The following ABAT variants were observed in gnomAD, a reference collection of about 807,000 sequenced individuals.
ABAT encodes 4-aminobutyrate aminotransferase, also known as 4-aminobutyrate aminotransferase, mitochondrial.
ABAT carries 45 observed loss-of-function variants against 64.6 expected under a neutral mutation model. That is an observed-to-expected ratio of 0.70 (90% CI 0.55 to 0.89). The LOEUF (loss-of-function observed/expected upper bound fraction) is 0.89, where lower values mean the gene tolerates loss of function less well. ABAT is among the 40% of genes least tolerant of loss of function. ABAT has a pLI of 0.00. For missense variants in ABAT, 633 were observed against 658.4 expected (o/e 0.96, Z 0.42); for synonymous variants, 297 against 250.5 (o/e 1.19, Z -1.75).
At chr16:8,715,466 A>AC (rs2058187514) in intron 1 of ABAT, 1 of 151,936 alleles carries the variant, frequency 6.6e-6, no homozygotes, top group African/African-American at 2.4e-5. Context: ...AAAAATAAAT[A>AC]TAAAAATAAA....
intron 12 of ABAT, among the ~76,000 whole-genome samples, chr16:8,774,626 G>C (rs1462390451): frequency 1.3e-5 from 2 of 152,142 alleles, no homozygotes; most frequent in Admixed American, 1.3e-4. Flanking sequence ...TTGGTGCAGG[G>C]AGTATTTAAT....
chr16:8,766,805 C>T (rs894573298), intron 9 of ABAT, among the ~76,000 whole-genome samples: 3 of 152,094 alleles, frequency 2.0e-5, no homozygotes, highest in Admixed American at 6.6e-5. Context: ...CCTGTCTCTA[C>T]TAAAAATACA....
intron 10 of ABAT, 151 bp downstream of exon 10, chr16:8,768,407 G>C (rs1366600278): frequency 4.4e-6 from 4 of 901,206 alleles, no homozygotes; most frequent in Non-Finnish European, 7.1e-6. Context: ...TTCCTGCTTT[G>C]CAGATGGGGG....
intron 13 of ABAT, among the ~76,000 whole-genome samples, chr16:8,775,595 G>A (rs554390994): frequency 7.1e-4 from 108 of 152,012 alleles, no homozygotes; most frequent in African/African-American, 2.5e-3. Flanking sequence ...GCCATCAGGG[G>A]CCAACGTCCT....
chr16:8,684,678 A>G (rs1313622999), intron 1 of ABAT, among the ~76,000 whole-genome samples: 1 of 150,884 alleles, frequency 6.6e-6, no homozygotes, highest in Non-Finnish European at 1.5e-5. Context: ...AGCCATAATC[A>G]TGCCACTGCA....
At chr16:8,761,552 T>C (rs1293619517) in intron 6 of ABAT, among the ~76,000 whole-genome samples, 1 of 152,146 alleles carries the variant, frequency 6.6e-6, no homozygotes, top group Admixed American at 6.5e-5. Flanking sequence ...GAATCCACGT[T>C]CTCCGTCCCA....
rs1165329242 is a variant in ABAT, at chr16:8,737,307, T to C, written c.70+1498T>C. 3 of 148,546 alleles carry C rather than the reference T, an allele frequency of 2.0e-5. No homozygotes were observed. In the East Asian group the frequency reaches 6.1e-4, roughly 30 times the overall value. The allele number at this position is 148,546 out of a possible 1,614,324, so 9.2% of individuals were successfully genotyped here. A position where few individuals can be genotyped will look rare whatever the true frequency, so the allele number is the denominator to read the frequency against. ...GCCTGGCCAACATGGTGAAACCCCG[T>C]CTCTACCAAAAATACAAAAATTAGC... On this transcript the variant is annotated intron_variant, in intron 2 of 15. Transcript: ENST00000268251.
intron 11 of ABAT, among the ~76,000 whole-genome samples, chr16:8,770,848 A>G (rs763186144): frequency 3.9e-5 from 6 of 152,226 alleles, no homozygotes; most frequent in Non-Finnish European, 7.3e-5. Context: ...TGTAATTAGT[A>G]TTTTTAAACA....
At chr16:8,712,983 T>G (rs2058111872) in intron 1 of ABAT, 1 of 128,636 alleles carries the variant, frequency 7.8e-6, no homozygotes, top group Admixed American at 8.3e-5. Context: ...GTGATCACCC[T>G]CATTACCTCT....
At chr16:8,695,844 T>G (rs1396595916) in intron 1 of ABAT, among the ~76,000 whole-genome samples, 1 of 152,194 alleles carries the variant, frequency 6.6e-6, no homozygotes, top group Non-Finnish European at 1.5e-5. Flanking sequence ...CAATGCCAGT[T>G]CTTGGGGCAG....
chr16:8,774,560 C>T (rs1172421791), intron 12 of ABAT, among the ~76,000 whole-genome samples: 1 of 152,102 alleles, frequency 6.6e-6, no homozygotes, highest in Non-Finnish European at 1.5e-5. Flanking sequence ...TTGGACACAG[C>T]TCCCTCTGAC....
chr16:8,680,568 G>T (rs1346587606), intron 1 of ABAT, among the ~76,000 whole-genome samples: 1 of 152,078 alleles, frequency 6.6e-6, no homozygotes, highest in African/African-American at 2.4e-5. Flanking sequence ...GATTACATGT[G>T]TGGGCCACAA....
chr16:8,760,682 G>A (rs1273577516), intron 6 of ABAT, among the ~76,000 whole-genome samples: 6 of 152,102 alleles, frequency 3.9e-5, no homozygotes, highest in African/African-American at 1.4e-4. Flanking sequence ...CTTGGCAGTT[G>A]GTGCTGAAAA....
chr16:8,703,593 T>C (rs2057874520), intron 1 of ABAT, among the ~76,000 whole-genome samples: 1 of 152,162 alleles, frequency 6.6e-6, no homozygotes, highest in Non-Finnish European at 1.5e-5. Context: ...ACACTTTGTG[T>C]GTTGCTGACA....
intron 5 of ABAT, among the ~76,000 whole-genome samples, chr16:8,755,893 C>G (rs937281367): frequency 1.1e-4 from 16 of 152,064 alleles, no homozygotes; most frequent in African/African-American, 3.6e-4. Flanking sequence ...ACTAAAAATA[C>G]AAAAAATTAG....
At chr16:8,684,736 A>G (rs1258019090) in intron 1 of ABAT, among the ~76,000 whole-genome samples, 1 of 151,994 alleles carries the variant, frequency 6.6e-6, no homozygotes, top group African/African-American at 2.4e-5. Context: ...AAAAAAAAAA[A>G]AAAGGTGGAG....
chr16:8,719,209 C>A (rs1248646182), intron 1 of ABAT, among the ~76,000 whole-genome samples: 1 of 152,140 alleles, frequency 6.6e-6, no homozygotes, highest in South Asian at 2.1e-4. Flanking sequence ...TTGAACTGAA[C>A]AAACAGATTT....
intron 1 of ABAT, among the ~76,000 whole-genome samples, chr16:8,732,947 C>G (rs1240706051): frequency 6.7e-6 from 1 of 148,584 alleles, no homozygotes; most frequent in African/African-American, 2.6e-5. Context: ...CTACCTCCCT[C>G]CCGGACGGGG....
chr16:8,680,667 A>G (rs1394354512), intron 1 of ABAT, among the ~76,000 whole-genome samples: 1 of 152,168 alleles, frequency 6.6e-6, no homozygotes. Flanking sequence ...ACCTCAAGTG[A>G]TCCGCCTGCC....
Sources: allele counts gnomAD v4.1 joint callset (sites outside exome capture counted in the v4.1 genomes callset), GRCh38; gene constraint gnomAD v4.1.1; transcripts MANE v1.5; gene names NCBI Gene and HGNC (gene_info 2026-07-23, HGNC 2026-07-21).